CEP76: variants seen among roughly 807,000 people sequenced by gnomAD.
CEP76 encodes the protein centrosomal protein 76.
CEP76 carries 55 observed loss-of-function variants against 83.3 expected under a neutral mutation model. The ratio of observed to expected loss-of-function variants is 0.66; its 90% CI spans 0.53 to 0.83. The LOEUF is 0.83. Ranked by LOEUF, CEP76 falls within the 40% of genes least tolerant of loss-of-function variation. The pLI is 0.00. For missense variants in CEP76, 694 were observed against 799.5 expected, an observed-to-expected ratio of 0.87 and a Z score of 1.59; for synonymous variants, 270 against 274.5, an observed-to-expected ratio of 0.98 and a Z score of 0.16.
downstream of CEP76, among the ~76,000 whole-genome samples, chr18:12,668,132 G>T (rs1008341217): frequency 6.6e-6 from 1 of 152,036 alleles, no homozygotes; most frequent in African/African-American, 2.4e-5. Context: ...AGACATGTTG[G>T]TGCAGGCCTG....
At chr18:12,692,618 A>G (rs1340071767) in intron 6 of CEP76, among the ~76,000 whole-genome samples, 1 of 152,160 alleles carries the variant, frequency 6.6e-6, no homozygotes, top group East Asian at 1.9e-4. Context: ...CCACTGTATC[A>G]TATCACCTGT....
At position 12,697,316 on chromosome 18, in the gene CEP76, T is replaced by A; in HGVS notation, c.613A>T (p.Thr205Ser). Residue 205 changes from threonine to serine, a missense_variant, in exon 5 of 12, where the codon ACG becomes TCG. By Grantham distance (58) the Thr-to-Ser change is moderately conservative. Coordinates refer to ENST00000262127, the MANE Select transcript of CEP76 (RefSeq NM_024899.4). The part of the protein sequence containing the change: ...VLIKTDIFGE[T>S]TLVASYFLEW... ...AGAAAATATGATGCTACTAAAGTCG[T>A]CTCACCAAATATGTCTGTTTTGATT... The A allele has an allele frequency of 1.2e-6, 2 of 1,613,978 alleles. No individual in the cohort carries two copies. Among genetic ancestry groups the A allele is most frequent in the South Asian group, 2.2e-5 (2 of 91,074 alleles).
downstream of CEP76, among the ~76,000 whole-genome samples, chr18:12,671,704 A>C (rs940196073): frequency 1.5e-5 from 2 of 135,734 alleles, no homozygotes; most frequent in African/African-American, 2.8e-5. Flanking sequence ...GCTGGAATGC[A>C]GTGACGCGAT....
downstream of CEP76, among the ~76,000 whole-genome samples, chr18:12,671,427 C>G (rs2038939243): frequency 6.6e-6 from 1 of 151,668 alleles, no homozygotes; most frequent in Admixed American, 6.6e-5. Flanking sequence ...TCAGAGTGAA[C>G]AAAGATTCTT....
intron 4 of CEP76, 57 bp from the exon 5 acceptor site, chr18:12,697,465 TAAAAG>T: frequency 8.8e-7 from 1 of 1,136,054 alleles, no homozygotes; most frequent in Non-Finnish European, 1.2e-6. Flanking sequence ...TAGGCCAACA[TAAAAG>T]AATACTTTTA....
rs1431228995 is a variant in CEP76, at chr18:12,673,206, A to T, written c.*159T>A. 1 of 1,336,110 alleles carries T rather than the reference A, an allele frequency of 7.5e-7. No homozygotes were observed. The highest frequency in any genetic ancestry group is 9.6e-7 in the Non-Finnish European group (1 of 1,041,104). The allele number at this position is 1,336,110 out of a possible 1,614,324, so 82.8% of individuals were successfully genotyped here. Reference sequence around the variant, plus strand: ...GCCTTAATTTTTAAAGGAATGCATGATTTTTTTTAAACATTACCAGTCAAG... The same window carrying T: ...GCCTTAATTTTTAAAGGAATGCATGTTTTTTTTTAAACATTACCAGTCAAG... On this transcript the variant is annotated 3_prime_UTR_variant, in exon 12 of 12. Transcript: ENST00000262127.
At chr18:12,692,273 G>A (rs34183067) in intron 6 of CEP76, 13,521 of 151,328 alleles carry the variant, frequency 0.089, 837 homozygotes, top group Non-Finnish European at 0.13. Flanking sequence ...CCGAGTTCAT[G>A]CCACCGTGCT....
intron 1 of CEP76, 91 bp from the exon 2 acceptor site, chr18:12,701,204 T>A: frequency 1.1e-6 from 1 of 870,372 alleles, no homozygotes; most frequent in Non-Finnish European, 1.8e-6. Context: ...TAACAGTAAA[T>A]GCACAATTGT....
rs530892126 is a variant in CEP76, at chr18:12,667,392, G to C, written c.*1728-5223C>G. On this transcript the variant is annotated intron_variant and NMD_transcript_variant, in intron 12 of 12. Coordinates refer to the CEP76 transcript ENST00000590143. The stretch of plus-strand genomic sequence containing the variant: ...GGATCCGTTGAGCCCAGGTGTTCAA[G>C]GCTGCAGTGAGCTATGATCACACCA... Among the ~76,000 whole-genome samples, 392 of 152,278 alleles carry C rather than the reference G, an allele frequency of 2.6e-3. 1 individual carries two copies. Among genetic ancestry groups the C allele is most frequent in the African/African-American group, 9.0e-3 (376 of 41,562 alleles).
chr18:12,700,259 A>T, intron 2 of CEP76: 1 of 162,566 alleles, frequency 6.2e-6, no homozygotes. Context: ...ATAAAGTGTC[A>T]TCACAGAGTA....
At chr18:12,675,920 C>T (rs372289160) in intron 10 of CEP76, among the ~76,000 whole-genome samples, 12 of 152,154 alleles carry the variant, frequency 7.9e-5, no homozygotes, top group East Asian at 7.7e-4. Flanking sequence ...CCACCCACCT[C>T]GGCCTCCCAA....
rs2038983004 is a variant in CEP76, at chr18:12,672,881, T to A, written c.*484A>T. ...AAGGACCACGAATAAACCACAAAAG[T>A]GGTAATTCATTAACATTTATTTTCA... On this transcript the variant is annotated 3_prime_UTR_variant, in exon 12 of 12. Coordinates refer to ENST00000262127, the MANE Select transcript of CEP76 (RefSeq NM_024899.4). 1.0e-6 allele frequency: 1 copy of A among 985,340 alleles called. No homozygotes were observed. Among genetic ancestry groups the A allele is most frequent in the African/African-American group, 1.7e-5 (1 of 57,232 alleles). The allele number at this position is 985,340 out of a possible 1,614,324, so 61.0% of individuals were successfully genotyped here.
At chr18:12,671,305 T>C (rs1446114985), downstream of CEP76, among the ~76,000 whole-genome samples, 1 of 152,174 alleles carries the variant, frequency 6.6e-6, no homozygotes, top group South Asian at 2.1e-4. Context: ...TCATTTTATT[T>C]GTAGGGGTGA....
chr18:12,671,669 GAC>G (rs2038950718), downstream of CEP76, among the ~76,000 whole-genome samples: 1 of 96,980 alleles, frequency 1.0e-5, no homozygotes, highest in African/African-American at 4.2e-5. Context: ...TTTTTTTTGA[GAC>G]AGAGTCTTGC....
chr18:12,666,588 C>T (rs1264132700), intron 12 of CEP76, among the ~76,000 whole-genome samples: 2 of 151,742 alleles, frequency 1.3e-5, no homozygotes, highest in Admixed American at 6.6e-5. Context: ...TACAGGTGCA[C>T]GCACCATGCC....
chr18:12,667,200 C>T (rs1438789269), intron 12 of CEP76, among the ~76,000 whole-genome samples: 3 of 152,134 alleles, frequency 2.0e-5, no homozygotes, highest in Non-Finnish European at 4.4e-5. Context: ...GTGGCTCACA[C>T]CAGTAATCCC....
chr18:12,694,721 T>C (rs1206628320), intron 6 of CEP76, among the ~76,000 whole-genome samples: 2 of 149,612 alleles, frequency 1.3e-5, no homozygotes, highest in East Asian at 1.9e-4. Flanking sequence ...TTTTTTTTTT[T>C]CTTTTTTTGA....
rs1237794359 is a variant in CEP76 at position 12,673,438 on chromosome 18, C to T, written c.1907G>A (p.Arg636Gln). 8.1e-6 allele frequency: 13 copies of T among 1,597,846 alleles called. No individual in the cohort carries two copies. The highest frequency in any genetic ancestry group is 1.1e-5 in the Non-Finnish European group (13 of 1,175,324). ...TGCAGATTCAGGGTAAGTAAATACT[C>T]GGACACGAACTGCCAGTCGCACTTG... The part of the protein sequence containing the change: ...GDQVRLAVRV[R>Q]VFTYPESACA... Residue 636 changes from arginine (R) to glutamine (Q), a missense_variant, in exon 12 of 12, where the codon CGA becomes CAA. By Grantham distance (43) the Arg-to-Gln change is conservative. Coordinates refer to ENST00000262127, the MANE Select transcript of CEP76 (RefSeq NM_024899.4).
downstream of CEP76, among the ~76,000 whole-genome samples, chr18:12,672,237 C>G (rs1267319286): frequency 6.6e-6 from 1 of 151,814 alleles, no homozygotes; most frequent in Non-Finnish European, 1.5e-5. Flanking sequence ...GCCTCAGCCT[C>G]CTGAGTAGCT....
Sources: allele counts gnomAD v4.1 joint callset (sites outside exome capture counted in the v4.1 genomes callset), GRCh38; gene constraint gnomAD v4.1.1; transcripts MANE v1.5; gene names NCBI Gene and HGNC (gene_info 2026-07-23, HGNC 2026-07-21).